NCAM2: variants seen among roughly 807,000 people sequenced by gnomAD.
NCAM2 encodes the protein N-CAM-2.
A neutral mutation model predicts 98.1 loss-of-function variants in NCAM2; 30 were observed. The ratio of observed to expected loss-of-function variants is 0.31; its 90% confidence interval spans 0.23 to 0.41. The LOEUF is 0.41. Among genes scored for constraint, NCAM2 ranks in the 10% least tolerant of loss-of-function variants. The pLI, the probability that NCAM2 is intolerant of heterozygous loss-of-function variation, is 1.00. For missense variants in NCAM2, 867 were observed against 1,005.8 expected (o/e 0.86, Z 1.87); for synonymous variants, 368 against 342.4 (o/e 1.07, Z -0.83).
At chr21:21,467,698 A>G (rs1463272923) in intron 13 of NCAM2, among the ~76,000 whole-genome samples, 1 of 151,702 alleles carries the variant, frequency 6.6e-6, no homozygotes, top group Non-Finnish European at 1.5e-5. Context: ...ACAATAAAAA[A>G]AGAATCAGCT....
intron 1 of NCAM2, among the ~76,000 whole-genome samples, chr21:21,147,836 C>A (rs886808793): frequency 1.3e-5 from 2 of 149,010 alleles, no homozygotes; most frequent in Non-Finnish European, 3.0e-5. Flanking sequence ...TATAAAATAC[C>A]CTATTTATAT....
chr21:21,392,526 AC>A (rs1206029964), intron 9 of NCAM2, among the ~76,000 whole-genome samples: 1 of 152,194 alleles, frequency 6.6e-6, no homozygotes, highest in Non-Finnish European at 1.5e-5. Flanking sequence ...GAATCCCCAC[AC>A]AGTCTTCCAC....
chr21:21,333,510 T>G (rs1181529673), intron 6 of NCAM2, among the ~76,000 whole-genome samples: 1 of 152,214 alleles, frequency 6.6e-6, no homozygotes. Context: ...GGGTGGCAAC[T>G]AATTTGCTAT....
chr21:21,044,725 G>C (rs1002027778), intron 1 of NCAM2, among the ~76,000 whole-genome samples: 1 of 152,064 alleles, frequency 6.6e-6, no homozygotes, highest in Non-Finnish European at 1.5e-5. Context: ...TAACATTTTG[G>C]GAGGCCAAGG....
chr21:21,372,552 C>G (rs1214720803), intron 8 of NCAM2, among the ~76,000 whole-genome samples: 1 of 151,726 alleles, frequency 6.6e-6, no homozygotes, highest in African/African-American at 2.4e-5. Flanking sequence ...AATGAATTTT[C>G]TTTCAGATAT....
intron 1 of NCAM2, among the ~76,000 whole-genome samples, chr21:21,121,358 A>T (rs1374108289): frequency 6.6e-6 from 1 of 152,218 alleles, no homozygotes; most frequent in Non-Finnish European, 1.5e-5. Flanking sequence ...CTCTGAGTAC[A>T]TTAACTGATG....
intron 1 of NCAM2, among the ~76,000 whole-genome samples, chr21:21,001,693 G>A (rs755746460): frequency 6.6e-6 from 1 of 152,184 alleles, no homozygotes; most frequent in South Asian, 2.1e-4. Flanking sequence ...ATGTAAGATA[G>A]AAGCACTGTT....
At chr21:21,445,510 G>C (rs1175189750) in intron 12 of NCAM2, among the ~76,000 whole-genome samples, 2 of 151,972 alleles carry the variant, frequency 1.3e-5, no homozygotes, top group Non-Finnish European at 2.9e-5. Context: ...TATGAATGTG[G>C]GTGCTCCTGT....
intron 1 of NCAM2, among the ~76,000 whole-genome samples, chr21:21,089,071 CA>C (rs77080964): frequency 0.23 from 34,730 of 151,392 alleles, 4,631 homozygotes; most frequent in African/African-American, 0.37. Flanking sequence ...TTATGTCAAT[CA>C]TTTTTTTTAG....
intron 1 of NCAM2, among the ~76,000 whole-genome samples, chr21:21,148,133 T>C (rs1355799440): frequency 6.6e-6 from 1 of 152,152 alleles, no homozygotes; most frequent in Non-Finnish European, 1.5e-5. Context: ...ATGTGCTTTA[T>C]TTACTCAGCA....
chr21:21,185,798 T>A (rs1015057905), intron 1 of NCAM2, among the ~76,000 whole-genome samples: 7 of 152,144 alleles, frequency 4.6e-5, no homozygotes, highest in Admixed American at 4.6e-4. Context: ...TAATGAGAAA[T>A]AACATCTAAA....
chr21:21,261,556 A>G (rs986416481), intron 1 of NCAM2, among the ~76,000 whole-genome samples: 11 of 152,242 alleles, frequency 7.2e-5, no homozygotes, highest in African/African-American at 2.6e-4. Flanking sequence ...TCTCAAAACC[A>G]CACAATTACA....
At chr21:21,008,506 A>G (rs1568921703) in intron 1 of NCAM2, among the ~76,000 whole-genome samples, 1 of 152,204 alleles carries the variant, frequency 6.6e-6, no homozygotes, top group African/African-American at 2.4e-5. Flanking sequence ...AGAATAGGAT[A>G]ATAAACTTCA....
intron 12 of NCAM2, among the ~76,000 whole-genome samples, chr21:21,444,077 C>A (rs1979719320): frequency 6.6e-6 from 1 of 152,032 alleles, no homozygotes; most frequent in Non-Finnish European, 1.5e-5. Flanking sequence ...CAAAGGCCTG[C>A]ATCTATTGAG....
At position 21,440,454 on chromosome 21, in the gene NCAM2, G is replaced by A. The variant is rs182253937; in HGVS notation, c.1654+8173G>A. Among the ~76,000 whole-genome samples, 21 of 152,158 alleles carry A rather than the reference G, an allele frequency of 1.4e-4. No homozygotes were observed. In the East Asian group the frequency reaches 3.5e-3, roughly 25 times the overall value. ...CCCAGCTCTTAGGGAGGCCAAAGTGGGCAGACTGCTTGAGCTCAGGAGTTC... is the reference window on the plus strand; with the variant it reads ...CCCAGCTCTTAGGGAGGCCAAAGTGAGCAGACTGCTTGAGCTCAGGAGTTC... On this transcript the variant is annotated intron_variant, in intron 12 of 17. Transcript: ENST00000400546.
intron 15 of NCAM2, 43 bp from the exon 16 acceptor site, chr21:21,508,808 C>CTTTTTTTTCT (rs1988157596): frequency 2.5e-6 from 1 of 404,442 alleles, no homozygotes; most frequent in Non-Finnish European, 3.7e-6. Flanking sequence ...ACTTTTTTTC[C>CTTTTTTTTCT]TTTTTTTTTT....
intron 1 of NCAM2, among the ~76,000 whole-genome samples, chr21:21,043,353 TATA>T (rs2064942803): frequency 6.6e-6 from 1 of 152,186 alleles, no homozygotes; most frequent in Non-Finnish European, 1.5e-5. Flanking sequence ...TAAGAATTGT[TATA>T]ATAATATCTC....
rs1277931440 is a variant in NCAM2 at position 21,540,373 on chromosome 21, T to A, written c.*2416T>A. 2 of 151,630 alleles carry A rather than the reference T, an allele frequency of 1.3e-5. No homozygotes were observed. The highest frequency in any genetic ancestry group is 4.8e-5 in the African/African-American group (2 of 41,338). 9.4% of individuals were successfully genotyped at this position (151,630 alleles called of 1,614,324 possible). A position where few individuals can be genotyped will look rare whatever the true frequency, so the allele number is the denominator to read the frequency against. On this transcript the variant is annotated 3_prime_UTR_variant, in exon 18 of 18. Transcript: ENST00000400546. Reference sequence around the variant, plus strand: ...AATTAACAGATAATCTGAAGCTAATTATATTCAGACTATTTCAAGTGCACT... The same window carrying A: ...AATTAACAGATAATCTGAAGCTAATAATATTCAGACTATTTCAAGTGCACT...
chr21:21,128,247 T>G (rs1427696137), intron 1 of NCAM2, among the ~76,000 whole-genome samples: 2 of 149,680 alleles, frequency 1.3e-5, no homozygotes, highest in East Asian at 2.0e-4. Context: ...TGTGAGGGTT[T>G]TTTTTTTTTC....
Sources: gnomAD v4.1 joint callset for allele counts (sites outside exome capture counted in the v4.1 genomes callset) on GRCh38, gnomAD v4.1.1 for gene constraint, MANE v1.5 for transcripts, NCBI Gene and HGNC (gene_info 2026-07-23, HGNC 2026-07-21) for gene names.